CACNA2D4: variants seen among roughly 807,000 people sequenced by gnomAD.
The protein encoded by CACNA2D4 is voltage-dependent calcium channel subunit alpha-2/delta-4.
Under a neutral mutation model 163.8 loss-of-function variants are expected in CACNA2D4, and 157 were observed. The observed-to-expected ratio is 0.96, with a 90% CI of 0.84 to 1.09. The LOEUF is 1.09. CACNA2D4 is among the 50% of genes least tolerant of loss of function. The pLI is 0.00. For synonymous variants in CACNA2D4, 598 were observed against 586.9 expected, an observed-to-expected ratio of 1.02 and a Z score of -0.27; for missense variants, 1,410 against 1,479.9, an observed-to-expected ratio of 0.95 and a Z score of 0.78.
chr12:1,879,715 C>T (rs1382385240), intron 14 of CACNA2D4, 89 bp downstream of exon 14: 10 of 1,124,278 alleles, frequency 8.9e-6, no homozygotes, highest in Non-Finnish European at 1.3e-5. Flanking sequence ...CTCAGAGGCA[C>T]AGCCAAGTCA....
In CACNA2D4 at chr12:1,797,523, T is replaced by C; in HGVS notation, c.3008A>G (p.Lys1003Arg). ...GCAGGGCTGCAGCGGGTCCTGCTTC[T>C]TGTGTTTGTGGGCTGCGGGCGGAGA... ...KSVFHHSHKH[K>R]KQDPLQPCDT... is the part of the protein sequence containing the mutation. Residue 1003 changes from lysine to arginine, a missense_variant, in exon 35 of 38, where the codon AAG becomes AGG. By Grantham distance (26) the Lys-to-Arg change is conservative (BLOSUM62 2). Coordinates refer to ENST00000382722, the MANE Select transcript of CACNA2D4 (RefSeq NM_172364.5). 1 of 1,568,318 alleles carries C rather than the reference T, an allele frequency of 6.4e-7. No individual in the cohort carries two copies.
At chr12:1,912,703 C>T (rs187956643) in intron 3 of CACNA2D4, among the ~76,000 whole-genome samples, 1 of 152,332 alleles carries the variant, frequency 6.6e-6, no homozygotes, top group East Asian at 1.9e-4. Context: ...GTGCTCTGTA[C>T]TGGTCACTGG....
intron 20 of CACNA2D4, 35 bp from the exon 21 acceptor site, chr12:1,856,264 C>T (rs1438825158): frequency 6.2e-7 from 1 of 1,611,998 alleles, no homozygotes; most frequent in Non-Finnish European, 8.5e-7. Context: ...GTGATGCTCC[C>T]TCACTGCCAT....
chr12:1,795,301 C>A lies in CACNA2D4; in HGVS notation c.3307G>T (p.Glu1103Ter), dbSNP rs1555173434. 6.2e-7 allele frequency: 1 copy of A among 1,613,270 alleles called. No individual in the cohort carries two copies. The highest frequency in any genetic ancestry group is 8.5e-7 in the Non-Finnish European group (1 of 1,179,868). The change falls in exon 37 of 38, where the codon GAG (glutamate) becomes TAG (stop). Residue 1103 changes from glutamate to a stop codon, truncating the protein, a stop_gained and splice_region_variant. Coordinates refer to ENST00000382722, the MANE Select transcript of CACNA2D4 (RefSeq NM_172364.5). LOFTEE classifies it low-confidence loss of function (END_TRUNC). ...CCTCGATCCGCCTCAACCCGCACCT[C>A]TGGATGGAAGGCGTGGCAGGAGTCT... Reference protein sequence around the residue: ...RPDSCHAFHPEENAQDCGGAS... With the variant: ...RPDSCHAFHP
In CACNA2D4 at chr12:1,917,215, T is replaced by C. The variant is rs1268490554; in HGVS notation, c.227+1032A>G. On this transcript the variant is annotated intron_variant, in intron 1 of 37. Transcript: ENST00000382722. This position sits in a 1 kb window ranked among gnomAD's most constrained non-coding sequence, Gnocchi z 4.3. ...GGCCTCTGTTTCCTCAGCTGCAAAA[T>C]AGGGATAAAAATAAGCCCCCACTGA... Among the ~76,000 whole-genome samples the C allele has an allele frequency of 2.6e-5, 4 of 151,974 alleles. No homozygotes were observed. The highest frequency in any genetic ancestry group is 1.3e-4 in the Admixed American group (2 of 15,260).
At chr12:1,797,579 G>A (rs750316776) in intron 34 of CACNA2D4, 44 bp from the exon 35 acceptor site, 3 of 1,450,632 alleles carry the variant, frequency 2.1e-6, no homozygotes, top group East Asian at 4.9e-5. Flanking sequence ...GGGGCCTCTG[G>A]CCTGCGGTGA....
At chr12:1,910,039 T>G in intron 3 of CACNA2D4, 74 bp from the exon 4 acceptor site, 1 of 1,279,794 alleles carries the variant, frequency 7.8e-7, no homozygotes, top group South Asian at 1.2e-5. Flanking sequence ...GTGAAACAGT[T>G]GCCGGGTGAC....
chr12:1,834,534 G>A lies in CACNA2D4; in HGVS notation c.2551+6205C>T. The A allele has an allele frequency of 1.2e-6, 2 of 1,604,950 alleles. No individual in the cohort carries two copies. The highest frequency in any genetic ancestry group is 8.5e-7 in the Non-Finnish European group (1 of 1,179,910). ...CCGGCGAGCGTGAGGCGAGCCATGG[G>A]CACGGTGATCATTGCAGGGGTCGTG... On this transcript the variant is annotated intron_variant, in intron 26 of 37. Transcript: ENST00000382722. The surrounding 1 kb of genome is among the most constrained non-coding windows in gnomAD (Gnocchi z 7.6).
intron 29 of CACNA2D4, among the ~76,000 whole-genome samples, chr12:1,805,221 G>A (rs1863494126): frequency 6.6e-6 from 1 of 152,194 alleles, no homozygotes; most frequent in Non-Finnish European, 1.5e-5. Flanking sequence ...GAGGCCAGGA[G>A]GAGGAGGTCC....
At chr12:1,872,459 G>A (rs1455020169) in intron 18 of CACNA2D4, among the ~76,000 whole-genome samples, 3 of 152,186 alleles carry the variant, frequency 2.0e-5, no homozygotes, top group Non-Finnish European at 4.4e-5. Flanking sequence ...ATTCCCACAA[G>A]GCTTTTAGAA....
intron 29 of CACNA2D4, among the ~76,000 whole-genome samples, chr12:1,803,723 C>T (rs1437115608): frequency 6.6e-6 from 1 of 152,232 alleles, no homozygotes; most frequent in Non-Finnish European, 1.5e-5. Context: ...CCACCAAAAA[C>T]TATTTCATAA....
intron 6 of CACNA2D4, among the ~76,000 whole-genome samples, chr12:1,898,297 G>A (rs553823727): frequency 1.3e-5 from 2 of 152,074 alleles, no homozygotes; most frequent in Non-Finnish European, 2.9e-5. Context: ...GCAACCCATA[G>A]AATGGGAGCA....
intron 29 of CACNA2D4, chr12:1,809,544 C>A (rs1863639978): frequency 2.8e-6 from 2 of 702,972 alleles, no homozygotes; most frequent in Non-Finnish European, 5.2e-6. Flanking sequence ...TTTGAATGGG[C>A]TTCTTTCTCA....
intron 26 of CACNA2D4, among the ~76,000 whole-genome samples, chr12:1,816,066 T>C (rs926625021): frequency 1.3e-5 from 2 of 152,152 alleles, no homozygotes; most frequent in African/African-American, 4.8e-5. Flanking sequence ...ACCCAAGTTG[T>C]GCTTTTCCAC....
chr12:1,911,448 G>A (rs761781597), intron 3 of CACNA2D4, among the ~76,000 whole-genome samples: 1 of 152,024 alleles, frequency 6.6e-6, no homozygotes, highest in Non-Finnish European at 1.5e-5. Context: ...AAGCCACTAA[G>A]CCTCTCTGGT....
At chr12:1,812,781 A>G (rs1385562768) in intron 26 of CACNA2D4, among the ~76,000 whole-genome samples, 1 of 152,120 alleles carries the variant, frequency 6.6e-6, no homozygotes, top group Admixed American at 6.5e-5. Flanking sequence ...CTGGACCTGG[A>G]CTGAGTCCTG....
intron 23 of CACNA2D4, among the ~76,000 whole-genome samples, chr12:1,852,736 C>T (rs772744272): frequency 6.6e-6 from 1 of 152,152 alleles, no homozygotes; most frequent in African/African-American, 2.4e-5. Flanking sequence ...GATGGTGCCC[C>T]TCTCCAAACC....
intron 4 of CACNA2D4, 99 bp from the exon 5 acceptor site, chr12:1,908,136 G>A: frequency 7.9e-7 from 1 of 1,265,572 alleles, no homozygotes; most frequent in Non-Finnish European, 1.1e-6. Context: ...GAGAGGGCCG[G>A]GGCCGGGCGG....
At chr12:1,901,070 T>G (rs1468078236) in intron 6 of CACNA2D4, among the ~76,000 whole-genome samples, 1 of 152,032 alleles carries the variant, frequency 6.6e-6, no homozygotes, top group African/African-American at 2.4e-5. Flanking sequence ...TACAGAAACA[T>G]GGAAATTAAA....
Sources: allele counts gnomAD v4.1 joint callset (sites outside exome capture counted in the v4.1 genomes callset), GRCh38; gene constraint gnomAD v4.1.1; non-coding constraint Gnocchi (gnomAD v3.1); transcripts MANE v1.5; gene names NCBI Gene and HGNC (gene_info 2026-07-23, HGNC 2026-07-21).